Variants in SV2C observed in about 807,000 individuals in gnomAD.
SV2C encodes solute carrier family 22 member B3.
In SV2C, 49 loss-of-function variants were observed where a neutral mutation model predicts 79.7. The observed-to-expected ratio is 0.61, with a 90% CI of 0.49 to 0.78. The LOEUF (loss-of-function observed/expected upper bound fraction) is 0.78, where lower values mean the gene tolerates loss of function less well. Among genes scored for constraint, SV2C ranks in the 30% least tolerant of loss-of-function variants. SV2C has a pLI of 0.00. For missense variants in SV2C, 833 were observed against 912.9 expected (o/e 0.91, Z 1.13); for synonymous variants, 334 against 333.2 (o/e 1.00, Z -0.03).
rs540163622 is a variant in SV2C, at chr5:76,212,794, C to T, written c.913+2907C>T. ...TCAGTTCCTCTGACTCTGCCTTTCACACATCCCTGCCCTTGAACTCTGGAT... is the reference window on the plus strand; with the variant it reads ...TCAGTTCCTCTGACTCTGCCTTTCATACATCCCTGCCCTTGAACTCTGGAT... On this transcript the variant is annotated intron_variant, in intron 4 of 12. Coordinates refer to ENST00000502798, the MANE Select transcript of SV2C (RefSeq NM_014979.4). 2.6e-5 allele frequency among the ~76,000 whole-genome samples: 4 copies of T among 152,274 alleles called. No individual in the cohort carries two copies. The South Asian group carries it at 6.2e-4, about 24-fold the overall frequency.
the SV2C span, among the ~76,000 whole-genome samples, chr5:75,959,963 C>T: frequency 6.6e-6 from 1 of 152,024 alleles, no homozygotes; most frequent in South Asian, 2.1e-4. Context: ...ATTTTTATTG[C>T]AGAGTAAATT....
At chr5:76,346,840 C>A (rs1253103178) in intron 12 of SV2C, among the ~76,000 whole-genome samples, 1 of 152,208 alleles carries the variant, frequency 6.6e-6, no homozygotes, top group Non-Finnish European at 1.5e-5. Flanking sequence ...CCCTTCCCAC[C>A]ATGCCCAAGT....
the SV2C span, among the ~76,000 whole-genome samples, chr5:75,953,351 G>C: frequency 2.6e-5 from 4 of 151,940 alleles, no homozygotes; most frequent in Non-Finnish European, 5.9e-5. Flanking sequence ...CATGAAGTTT[G>C]GGGGAATGAA....
chr5:76,051,387 G>A, the SV2C span, among the ~76,000 whole-genome samples: 1 of 152,062 alleles, frequency 6.6e-6, no homozygotes, highest in Admixed American at 6.5e-5. Flanking sequence ...TCATATAGAT[G>A]TTCATTACTT....
intron 4 of SV2C, among the ~76,000 whole-genome samples, chr5:76,251,715 G>T (rs1332778581): frequency 3.3e-5 from 5 of 152,096 alleles, no homozygotes; most frequent in African/African-American, 9.7e-5. Context: ...AAGAACCAGT[G>T]GTATCCAGTG....
chr5:76,221,130 C>G (rs563239361), intron 4 of SV2C, among the ~76,000 whole-genome samples: 1 of 152,302 alleles, frequency 6.6e-6, no homozygotes, highest in Non-Finnish European at 1.5e-5. Context: ...AAGTGTGGCC[C>G]TTCCATCCAT....
intron 1 of SV2C, among the ~76,000 whole-genome samples, chr5:76,110,023 A>G (rs1045290396): frequency 6.6e-6 from 1 of 152,226 alleles, no homozygotes; most frequent in Non-Finnish European, 1.5e-5. Context: ...CATTATGACC[A>G]GTCCAGTTCT....
At chr5:76,346,684 G>A (rs542853220) in intron 12 of SV2C, among the ~76,000 whole-genome samples, 1 of 152,240 alleles carries the variant, frequency 6.6e-6, no homozygotes, top group Admixed American at 6.5e-5. Flanking sequence ...GTATTCCCAG[G>A]GCCTTGGACT....
At chr5:76,028,489 C>T in the SV2C span, among the ~76,000 whole-genome samples, 2 of 152,160 alleles carry the variant, frequency 1.3e-5, no homozygotes, top group Non-Finnish European at 2.9e-5. Flanking sequence ...GTAATTATGT[C>T]GTGTCCCTGG....
At chr5:76,303,824 G>A (rs1387697924) in intron 12 of SV2C, among the ~76,000 whole-genome samples, 3 of 152,204 alleles carry the variant, frequency 2.0e-5, no homozygotes, top group African/African-American at 7.2e-5. Flanking sequence ...ATGCAAAAAT[G>A]TTATTAGAGG....
chr5:76,174,287 C>T (rs1025600199), intron 2 of SV2C: 20 of 1,161,634 alleles, frequency 1.7e-5, no homozygotes, highest in East Asian at 4.9e-5. Context: ...CTACTCTAGG[C>T]GCCACGGCGG....
At chr5:76,113,342 C>G (rs1748153715) in intron 1 of SV2C, among the ~76,000 whole-genome samples, 1 of 152,208 alleles carries the variant, frequency 6.6e-6, no homozygotes. Flanking sequence ...AGGGCTGTAC[C>G]TTTAGTTCTT....
chr5:76,342,897 T>C (rs1264113004), intron 12 of SV2C, among the ~76,000 whole-genome samples: 4 of 151,844 alleles, frequency 2.6e-5, no homozygotes, highest in African/African-American at 4.8e-5. Flanking sequence ...TTTTTTTTTT[T>C]TTTTTGATAG....
At chr5:76,052,549 T>C in the SV2C span, among the ~76,000 whole-genome samples, 5 of 152,352 alleles carry the variant, frequency 3.3e-5, no homozygotes, top group East Asian at 9.7e-4. Context: ...GACCTGGACC[T>C]AGGAAGAATG....
In SV2C at chr5:76,277,755, C is replaced by CA. The variant is rs35556822; in HGVS notation, c.914-7393dup. 8.0e-3 allele frequency among the ~76,000 whole-genome samples: 859 copies of CA among 108,018 alleles called. 7 individuals carry two copies. The highest frequency in any genetic ancestry group is 0.012 in the Middle Eastern group (2 of 172). 70.9% of individuals were successfully genotyped at this position (108,018 alleles called of 152,430 possible). On this transcript the variant is annotated intron_variant, in intron 4 of 12. Transcript: ENST00000502798. The stretch of plus-strand genomic sequence containing the variant: ...CCTGGGTGACCTAGGAGACCTGTCT[C>CA]AAAAAAAAAAAAAACAGATTCCAAA...
At chr5:75,924,582 A>C in the SV2C span, among the ~76,000 whole-genome samples, 1 of 152,162 alleles carries the variant, frequency 6.6e-6, no homozygotes, top group Non-Finnish European at 1.5e-5. Flanking sequence ...TAACTATCAC[A>C]TATGCTGCCT....
At chr5:76,108,743 G>A (rs1331608119) in intron 1 of SV2C, among the ~76,000 whole-genome samples, 2 of 152,128 alleles carry the variant, frequency 1.3e-5, no homozygotes, top group Non-Finnish European at 2.9e-5. Context: ...CTTGACCTGG[G>A]GATCAAATGG....
At chr5:75,914,750 G>T in the SV2C span, among the ~76,000 whole-genome samples, 1 of 152,106 alleles carries the variant, frequency 6.6e-6, no homozygotes, top group Non-Finnish European at 1.5e-5. Context: ...TGTAATGAGT[G>T]GTTTCTATTA....
At chr5:76,073,540 TATATAC>T in the SV2C span, among the ~76,000 whole-genome samples, 72 of 120,270 alleles carry the variant, frequency 6.0e-4, no homozygotes, top group African/African-American at 2.1e-3. Flanking sequence ...TATATATATA[TATATAC>T]ACCATGGAAT....
Sources: gnomAD v4.1 joint callset for allele counts (sites outside exome capture counted in the v4.1 genomes callset) on GRCh38, gnomAD v4.1.1 for gene constraint, MANE v1.5 for transcripts, NCBI Gene and HGNC (gene_info 2026-07-23, HGNC 2026-07-21) for gene names.